Variants in TENM1 observed in about 807,000 individuals in gnomAD.
The protein encoded by TENM1 is teneurin transmembrane protein 1, also known as teneurin-1.
TENM1 carries 35 observed loss-of-function variants against 174.8 expected under a neutral mutation model. That is an observed-to-expected ratio of 0.20 (90% CI 0.15 to 0.27). The LOEUF (loss-of-function observed/expected upper bound fraction) is 0.27, where lower values mean the gene tolerates loss of function less well. TENM1 is among the 10% of genes least tolerant of loss of function. TENM1 has a pLI of 1.00. For missense variants in TENM1, 1,633 were observed against 2,130.1 expected (o/e 0.77, Z 4.59); for synonymous variants, 781 against 798.7 (o/e 0.98, Z 0.37).
chrX:124,950,507 A>T (rs2058466616), intron 1 of TENM1, among the ~76,000 whole-genome samples: 1 of 111,985 alleles, frequency 8.9e-6, no homozygotes, highest in African/African-American at 3.2e-5. Context: ...GATGCCTTCA[A>T]AATCAGTGAT....
chrX:125,071,892 G>A, the TENM1 span, among the ~76,000 whole-genome samples: 2 of 110,578 alleles, frequency 1.8e-5, no homozygotes, highest in African/African-American at 6.6e-5. Context: ...AAATATATAA[G>A]TATAAATATA....
intron 5 of TENM1, among the ~76,000 whole-genome samples, chrX:124,680,581 C>T (rs950825625): frequency 9.0e-6 from 1 of 110,648 alleles, no homozygotes; most frequent in Admixed American, 9.7e-5. Flanking sequence ...CCATTAAGTG[C>T]TCTCCATAAC....
chrX:124,558,912 T>C (rs1394591855), intron 14 of TENM1, among the ~76,000 whole-genome samples: 1 of 111,553 alleles, frequency 9.0e-6, no homozygotes, highest in Admixed American at 9.5e-5. Context: ...GATACATAGT[T>C]TTAAGGAATG....
the TENM1 span, among the ~76,000 whole-genome samples, chrX:125,160,556 A>AC: frequency 2.9e-5 from 3 of 104,857 alleles, no homozygotes; most frequent in South Asian, 1.3e-3. Flanking sequence ...AAAAAAAAAA[A>AC]AAAAAAAAAA....
upstream of TENM1, among the ~76,000 whole-genome samples, chrX:124,964,371 T>G (rs2058699420): frequency 8.9e-6 from 1 of 111,735 alleles, no homozygotes; most frequent in Non-Finnish European, 1.9e-5. Context: ...CTGAACTCTT[T>G]GTGCTCATAT....
intron 23 of TENM1, among the ~76,000 whole-genome samples, chrX:124,445,002 C>T (rs945135546): frequency 1.8e-5 from 2 of 111,514 alleles, no homozygotes; most frequent in African/African-American, 3.3e-5. Flanking sequence ...GTTGTGCGGC[C>T]TTAACCAAGT....
intron 14 of TENM1, among the ~76,000 whole-genome samples, chrX:124,552,854 T>C (rs2048605844): frequency 8.9e-6 from 1 of 111,736 alleles, no homozygotes; most frequent in African/African-American, 3.3e-5. Flanking sequence ...AACCTTCACC[T>C]CCTTTGGGTC....
intron 3 of TENM1, among the ~76,000 whole-genome samples, chrX:124,853,694 G>A (rs2056764086): frequency 1.8e-5 from 2 of 110,785 alleles, no homozygotes; most frequent in Non-Finnish European, 3.8e-5. Flanking sequence ...AGTAAGAATG[G>A]GGAACTAGAA....
chrX:124,585,313 G>T (rs2049469274), intron 11 of TENM1, among the ~76,000 whole-genome samples: 2 of 111,388 alleles, frequency 1.8e-5, no homozygotes, highest in South Asian at 7.4e-4. Flanking sequence ...AAATGTAAAA[G>T]ATCAGAAATT....
At chrX:125,042,349 T>C in the TENM1 span, among the ~76,000 whole-genome samples, 1 of 111,511 alleles carries the variant, frequency 9.0e-6, no homozygotes, top group African/African-American at 3.3e-5. Context: ...TTAAGTCCTC[T>C]TTCCCTATTT....
chrX:125,154,215 AAAAG>A, the TENM1 span, among the ~76,000 whole-genome samples: 4 of 112,332 alleles, frequency 3.6e-5, no homozygotes, highest in East Asian at 1.1e-3. Flanking sequence ...ATATACACTA[AAAAG>A]AAAGGGCACT....
intron 14 of TENM1, among the ~76,000 whole-genome samples, chrX:124,559,905 A>C (rs1460333491): frequency 9.0e-6 from 1 of 111,164 alleles, no homozygotes; most frequent in Non-Finnish European, 1.9e-5. Context: ...ACCATGGGTA[A>C]TTGAGGAGGT....
intron 11 of TENM1, among the ~76,000 whole-genome samples, chrX:124,609,906 A>G (rs2050244541): frequency 8.9e-6 from 1 of 112,054 alleles, no homozygotes; most frequent in South Asian, 3.7e-4. Flanking sequence ...CTAAAAATTC[A>G]GATATAGATT....
At chrX:125,159,297 C>T in the TENM1 span, among the ~76,000 whole-genome samples, 67 of 111,873 alleles carry the variant, frequency 6.0e-4, no homozygotes, top group African/African-American at 2.1e-3. Context: ...TTACAGGACC[C>T]GCACACCCAT....
chrX:125,084,529 T>C, the TENM1 span, among the ~76,000 whole-genome samples: 1 of 111,135 alleles, frequency 9.0e-6, no homozygotes, highest in Non-Finnish European at 1.9e-5. Context: ...TAGTACATCA[T>C]CATAATAACA....
At chrX:124,651,404 T>G (rs749054825) in intron 8 of TENM1, among the ~76,000 whole-genome samples, 13 of 112,113 alleles carry the variant, frequency 1.2e-4, no homozygotes, top group African/African-American at 3.9e-4. Context: ...AGAAAGGGCT[T>G]TGAATGTCTC....
chrX:124,938,910 T>C (rs1180947597), intron 1 of TENM1, among the ~76,000 whole-genome samples: 1 of 111,580 alleles, frequency 9.0e-6, no homozygotes, highest in Non-Finnish European at 1.9e-5. Context: ...GCCCATTCAG[T>C]CCAAGCTGGC....
chrX:125,035,742 A>G, the TENM1 span, among the ~76,000 whole-genome samples: 4 of 111,480 alleles, frequency 3.6e-5, no homozygotes, highest in Non-Finnish European at 7.6e-5. Context: ...AATGGTCTGA[A>G]AAGGGTCTGT....
chrX:125,133,297 C>T, the TENM1 span, among the ~76,000 whole-genome samples: 30 of 111,958 alleles, frequency 2.7e-4, no homozygotes, highest in Admixed American at 4.7e-4. Context: ...CCACCGTGTC[C>T]GGCCTTCTTA....
Sources: allele counts gnomAD v4.1 joint callset (sites outside exome capture counted in the v4.1 genomes callset), GRCh38; gene constraint gnomAD v4.1.1; transcripts MANE v1.5; gene names NCBI Gene and HGNC (gene_info 2026-07-23, HGNC 2026-07-21).